The following NKAIN3 variants were observed in gnomAD, a reference collection of about 807,000 sequenced individuals.
NKAIN3 encodes sodium/potassium transporting ATPase interacting 3.
In NKAIN3, 25 loss-of-function variants were observed where a neutral mutation model predicts 30.2. The observed-to-expected ratio is 0.83, with a 90% CI of 0.60 to 1.16. The LOEUF (loss-of-function observed/expected upper bound fraction) is 1.16. NKAIN3 is among the 50% of genes most tolerant of loss of function. The pLI is 0.00. For synonymous variants in NKAIN3, 91 were observed against 89.6 expected (o/e 1.02, Z -0.09); for missense variants, 225 against 254.1 (o/e 0.89, Z 0.78).
intron 1 of NKAIN3, among the ~76,000 whole-genome samples, chr8:62,532,361 C>A (rs1013184313): frequency 6.6e-6 from 1 of 152,006 alleles, no homozygotes; most frequent in Non-Finnish European, 1.5e-5. Context: ...TCCCCTAAAG[C>A]TTCGCACCTT....
Position 62,763,138 on chromosome 8 carries a change from G to A in NKAIN3, c.471+16009G>A, listed in dbSNP as rs148575862. On this transcript the variant is annotated intron_variant, in intron 4 of 6. Coordinates refer to ENST00000623646, the MANE Select transcript of NKAIN3 (RefSeq NM_001304533.3). ...CAGGAGGCTAAGGCAGGAGAATGGC[G>A]TGAACCCAGGAGGCGGAGCTTGCAG... Among the ~76,000 whole-genome samples the A allele has an allele frequency of 8.2e-3, 1,203 of 146,390 alleles. 6 individuals carry two copies. Among genetic ancestry groups the A allele is most frequent in the Middle Eastern group, 0.014 (4 of 278 alleles).
rs1000901894 is a variant in NKAIN3 at position 62,965,753 on chromosome 8, G to T, written c.*346G>T. On this transcript the variant is annotated 3_prime_UTR_variant, in exon 7 of 7. Coordinates refer to ENST00000623646, the MANE Select transcript of NKAIN3 (RefSeq NM_001304533.3). ...AATTCTAAGAGAAATCTCAGTGTGT[G>T]CTGTGGAGATGTTAAGTCAGCACTG... 2 of 985,036 alleles carry T rather than the reference G, an allele frequency of 2.0e-6. No individual in the cohort carries two copies. Among genetic ancestry groups the T allele is most frequent in the African/African-American group, 3.5e-5 (2 of 57,232 alleles). 61.0% of individuals were successfully genotyped at this position (985,036 alleles called of 1,614,324 possible).
intron 1 of NKAIN3, 90 bp downstream of exon 1, chr8:62,249,217 A>T: frequency 8.6e-7 from 1 of 1,156,406 alleles, no homozygotes; most frequent in Non-Finnish European, 1.2e-6. Context: ...AGCTCCCGGC[A>T]AGGGGCGAAC....
chr8:62,946,732 T>A (rs1042240498), intron 5 of NKAIN3, among the ~76,000 whole-genome samples: 2 of 152,200 alleles, frequency 1.3e-5, no homozygotes, highest in African/African-American at 4.8e-5. Flanking sequence ...GTAAAATAAA[T>A]GCTGATTAGA....
intron 1 of NKAIN3, among the ~76,000 whole-genome samples, chr8:62,486,426 T>C (rs1004977081): frequency 1.3e-5 from 2 of 152,234 alleles, no homozygotes; most frequent in African/African-American, 4.8e-5. Context: ...AAAATGTCTT[T>C]GTGTAACTTT....
intron 4 of NKAIN3, among the ~76,000 whole-genome samples, chr8:62,752,544 C>A (rs187474048): frequency 6.6e-6 from 1 of 152,284 alleles, no homozygotes; most frequent in Admixed American, 6.5e-5. Context: ...TTCTTTCCTA[C>A]CTGTGCCTCA....
chr8:62,310,019 A>G (rs1814376614), intron 1 of NKAIN3, among the ~76,000 whole-genome samples: 1 of 150,590 alleles, frequency 6.6e-6, no homozygotes, highest in Admixed American at 6.6e-5. Flanking sequence ...ATTATGTCAT[A>G]AAATAGAATG....
At chr8:62,699,052 G>A (rs4501571) in intron 3 of NKAIN3, among the ~76,000 whole-genome samples, 83,023 of 151,976 alleles carry the variant, frequency 0.55, 26,436 homozygotes, top group Non-Finnish European at 0.73. Flanking sequence ...AAATAAATTC[G>A]GATATGCTGT....
intron 1 of NKAIN3, among the ~76,000 whole-genome samples, chr8:62,449,367 A>G (rs1052531200): frequency 2.0e-5 from 3 of 151,986 alleles, no homozygotes; most frequent in African/African-American, 4.8e-5. Flanking sequence ...TTCTATATCT[A>G]TATTAGACTG....
chr8:62,670,182 A>T (rs1813256738), intron 3 of NKAIN3, among the ~76,000 whole-genome samples: 1 of 152,178 alleles, frequency 6.6e-6, no homozygotes, highest in Non-Finnish European at 1.5e-5. Context: ...TTGCTCACGG[A>T]TTAAAGAAAT....
chr8:62,874,005 A>G (rs989044789), intron 4 of NKAIN3, among the ~76,000 whole-genome samples: 1 of 152,146 alleles, frequency 6.6e-6, no homozygotes, highest in Non-Finnish European at 1.5e-5. Flanking sequence ...TGAAGGAGAT[A>G]GAGACATGAA....
chr8:62,319,718 C>G (rs1814803261), intron 1 of NKAIN3, among the ~76,000 whole-genome samples: 1 of 152,146 alleles, frequency 6.6e-6, no homozygotes, highest in African/African-American at 2.4e-5. Context: ...AATTTCTGTT[C>G]TTTCACATTT....
intron 4 of NKAIN3, among the ~76,000 whole-genome samples, chr8:62,912,584 AT>A (rs774562886): frequency 4.9e-4 from 75 of 152,028 alleles, no homozygotes; most frequent in African/African-American, 1.6e-3. Context: ...TTTTCTATTA[AT>A]TTTTTTTAAC....
chr8:62,790,470 A>T (rs978489111), intron 4 of NKAIN3, among the ~76,000 whole-genome samples: 2 of 151,952 alleles, frequency 1.3e-5, no homozygotes, highest in African/African-American at 4.8e-5. Context: ...AAAACTGCAC[A>T]TCAATACAAA....
chr8:62,955,771 C>G (rs1047545953), intron 6 of NKAIN3, among the ~76,000 whole-genome samples: 67 of 152,308 alleles, frequency 4.4e-4, no homozygotes, highest in South Asian at 1.9e-3. Context: ...TCACTTCCAT[C>G]TCTGTGAATC....
At chr8:62,295,292 G>A (rs1353501842) in intron 1 of NKAIN3, among the ~76,000 whole-genome samples, 5 of 152,114 alleles carry the variant, frequency 3.3e-5, no homozygotes, top group Admixed American at 6.6e-5. Context: ...ATAAGTGTTA[G>A]ATTAGTTTCT....
At chr8:62,655,061 T>G (rs1490601608) in intron 3 of NKAIN3, among the ~76,000 whole-genome samples, 1 of 152,114 alleles carries the variant, frequency 6.6e-6, no homozygotes, top group African/African-American at 2.4e-5. Flanking sequence ...AATGCAGCTG[T>G]TGGGGATTGG....
At chr8:62,537,499 C>T (rs1381920603) in intron 1 of NKAIN3, among the ~76,000 whole-genome samples, 1 of 152,042 alleles carries the variant, frequency 6.6e-6, no homozygotes, top group Non-Finnish European at 1.5e-5. Flanking sequence ...TTAAAGGTTT[C>T]GTAAGTGATG....
intron 1 of NKAIN3, among the ~76,000 whole-genome samples, chr8:62,501,458 C>T (rs951344921): frequency 1.3e-5 from 2 of 152,152 alleles, no homozygotes; most frequent in African/African-American, 4.8e-5. Flanking sequence ...CTCAATTCCT[C>T]CTGAGTTACA....
Sources: allele counts gnomAD v4.1 joint callset (sites outside exome capture counted in the v4.1 genomes callset), GRCh38; gene constraint gnomAD v4.1.1; transcripts MANE v1.5; gene names NCBI Gene and HGNC (gene_info 2026-07-23, HGNC 2026-07-21).